Variants in DCTD observed in about 807,000 individuals in gnomAD.
The protein encoded by DCTD is dCMP deaminase, also known as deoxycytidylate deaminase.
DCTD carries 23 observed loss-of-function variants against 21.0 expected under a neutral mutation model. The observed-to-expected ratio is 1.09, with a 90% confidence interval of 0.79 to 1.55. The LOEUF is 1.55. Ranked by LOEUF, DCTD falls within the 40% of genes most tolerant of loss-of-function variation. The pLI is 0.00. For synonymous variants in DCTD, 71 were observed against 81.1 expected (o/e 0.88, Z 0.67); for missense variants, 224 against 230.0 (o/e 0.97, Z 0.17).
At chr4:182,910,022 A>G (rs1737393655) in intron 3 of DCTD, among the ~76,000 whole-genome samples, 1 of 152,120 alleles carries the variant, frequency 6.6e-6, no homozygotes, top group Non-Finnish European at 1.5e-5. Flanking sequence ...CCCTGTAGAC[A>G]TAGGAACTGA....
chr4:182,892,733 A>G (rs2854556), intron 5 of DCTD, among the ~76,000 whole-genome samples: 151,751 of 152,346 alleles, frequency 1, 75,580 homozygotes, highest in Middle Eastern at 1. Context: ...AAGGTTTGGC[A>G]TTCCTATTAT....
intron 3 of DCTD, among the ~76,000 whole-genome samples, chr4:182,906,271 G>A (rs1007264308): frequency 6.6e-6 from 1 of 151,948 alleles, no homozygotes; most frequent in African/African-American, 2.4e-5. Context: ...TTCGGGGTCT[G>A]GTCCCTATCT....
At chr4:182,916,302 C>T in intron 1 of DCTD, 1 of 845,426 alleles carries the variant, frequency 1.2e-6, no homozygotes, top group Non-Finnish European at 1.4e-6. Flanking sequence ...CAAGCAGAGA[C>T]TGTCTACGGC....
chr4:182,893,138 A>T lies in DCTD; in HGVS notation c.362-11T>A. ...TCACTTCTTTTATACCTGTAAGGTA[A>T]CAATGGGAGCTCCCTTAGTGTACGC... On this transcript the variant is annotated splice_polypyrimidine_tract_variant and intron_variant, in intron 4 of 5. Transcript: ENST00000438320. The T allele has an allele frequency of 6.6e-7, 1 of 1,518,220 alleles. No homozygotes were observed. Among genetic ancestry groups the T allele is most frequent in the Non-Finnish European group, 9.1e-7 (1 of 1,095,350 alleles). 94.0% of individuals were successfully genotyped at this position (1,518,220 alleles called of 1,614,324 possible). A position where few individuals can be genotyped will look rare whatever the true frequency, so the allele number is the denominator to read the frequency against.
rs780075881 is a variant in DCTD at position 182,891,466 on chromosome 4, G to A, written c.470C>T (p.Pro157Leu). 20 of 1,608,938 alleles carry A rather than the reference G, an allele frequency of 1.2e-5. No homozygotes were observed. The highest frequency in any genetic ancestry group is 4.5e-5 in the East Asian group (2 of 44,850). The change falls in exon 6 of 6, where the codon CCG (proline) becomes CTG (leucine). Residue 157 changes from proline to leucine, a missense_variant. Coordinates refer to ENST00000438320, the MANE Select transcript of DCTD (RefSeq NM_001921.3). ...GTCAATGACAATCTTGCTGCACTTC[G>A]GTATGAATTTCCTAAAAATAAAAAC... ...MAGVTFRKFIPKCSKIVIDFD... is the reference protein window; with the variant it reads ...MAGVTFRKFILKCSKIVIDFD...
intron 3 of DCTD, among the ~76,000 whole-genome samples, chr4:182,911,921 C>T (rs577454885): frequency 2.0e-5 from 3 of 152,238 alleles, no homozygotes; most frequent in East Asian, 3.9e-4. Flanking sequence ...GGAAGTTTTT[C>T]AGCATTTAAA....
intron 1 of DCTD, chr4:182,916,519 T>C: frequency 3.0e-6 from 3 of 985,842 alleles, no homozygotes; most frequent in Non-Finnish European, 3.6e-6. Context: ...AGGCATCTGC[T>C]ACAGTGCAGG....
chr4:182,902,193 A>C (rs1184830995), intron 3 of DCTD, among the ~76,000 whole-genome samples: 1 of 152,218 alleles, frequency 6.6e-6, no homozygotes, highest in Non-Finnish European at 1.5e-5. Context: ...TAGCCGCGAC[A>C]GTTAAGCCCC....
rs144141847 is a variant in DCTD at position 182,911,839 on chromosome 4, C to A, written c.244+3084G>T. On this transcript the variant is annotated intron_variant, in intron 3 of 5. Coordinates refer to ENST00000438320, the MANE Select transcript of DCTD (RefSeq NM_001921.3). Reference sequence around the variant, plus strand: ...AGATTAACAAAAAATGTTACTGATACGAAGTAGTTTTTGTCATTGTGGAGT... The same window carrying A: ...AGATTAACAAAAAATGTTACTGATAAGAAGTAGTTTTTGTCATTGTGGAGT... Among the ~76,000 whole-genome samples the A allele has an allele frequency of 1.2e-3, 185 of 152,200 alleles. 1 individual carries two copies. Among genetic ancestry groups the A allele is most frequent in the African/African-American group, 4.3e-3 (177 of 41,530 alleles).
chr4:182,907,363 C>A (rs985269806), intron 3 of DCTD, among the ~76,000 whole-genome samples: 1 of 152,186 alleles, frequency 6.6e-6, no homozygotes, highest in African/African-American at 2.4e-5. Context: ...GTCTTGAACT[C>A]TTGAACTCGA....
chr4:182,916,750 TG>T lies in DCTD; in HGVS notation c.-8+560del, dbSNP rs541327903. 41 of 1,101,772 alleles carry T rather than the reference TG, an allele frequency of 3.7e-5. 1 individual carries two copies. In the East Asian group the frequency reaches 3.0e-3, roughly 82 times the overall value. 68.2% of individuals were successfully genotyped at this position (1,101,772 alleles called of 1,614,324 possible). A position where few individuals can be genotyped will look rare whatever the true frequency, so the allele number is the denominator to read the frequency against. Reference sequence around the variant, plus strand: ...ACTAAATAGGAGGGAGGGGGAGCCATGGGGGGCGAGGGAAGAGCAGGAGAGG... The same window carrying T: ...ACTAAATAGGAGGGAGGGGGAGCCATGGGGGCGAGGGAAGAGCAGGAGAGG... On this transcript the variant is annotated intron_variant, in intron 1 of 5. Transcript: ENST00000438320.
rs1418203557 is a variant in DCTD at position 182,917,003 on chromosome 4, C to T, written c.-8+308G>A. ...CCGGCATTCCCAACCCACACACGGG[C>T]GCAGGAAGGGATGTGGTGTTCAGAC... On this transcript the variant is annotated intron_variant, in intron 1 of 5. Transcript: ENST00000438320. This position sits in a 1 kb window ranked among gnomAD's most constrained non-coding sequence, Gnocchi z 4.9. The T allele has an allele frequency of 6.1e-6, 6 of 989,882 alleles. No homozygotes were observed. The highest frequency in any genetic ancestry group is 7.2e-6 in the Non-Finnish European group (6 of 832,480). The allele number at this position is 989,882 out of a possible 1,614,324, so 61.3% of individuals were successfully genotyped here. A position where few individuals can be genotyped will look rare whatever the true frequency, so the allele number is the denominator to read the frequency against.
At chr4:182,897,422 G>A (rs528530755) in intron 3 of DCTD, among the ~76,000 whole-genome samples, 85 of 150,558 alleles carry the variant, frequency 5.6e-4, no homozygotes, top group African/African-American at 2.0e-3. Context: ...TTGAATTTAA[G>A]AGGACTTTCA....
intron 4 of DCTD, 115 bp downstream of exon 4, chr4:182,894,374 A>T: frequency 1.5e-6 from 1 of 649,030 alleles, no homozygotes; most frequent in Admixed American, 2.7e-5. Context: ...CAAAGCTGAT[A>T]GTGCAATTAA....
chr4:182,916,638 G>A lies in DCTD; in HGVS notation c.-8+673C>T, dbSNP rs181393119. 2,779 of 1,002,408 alleles carry A rather than the reference G, an allele frequency of 2.8e-3. 8 individuals are homozygous for A. Among genetic ancestry groups the A allele is most frequent in the Non-Finnish European group, 3.1e-3 (2,572 of 837,782 alleles). 62.1% of individuals were successfully genotyped at this position (1,002,408 alleles called of 1,614,324 possible). The stretch of plus-strand genomic sequence containing the variant: ...AGAGGCCTGGCAACCCCCCTAACAG[G>A]AAAAGACAGGTGCTGAATCAGCCTG... On this transcript the variant is annotated intron_variant, in intron 1 of 5. Transcript: ENST00000438320.
chr4:182,908,403 C>G (rs546827828), intron 3 of DCTD, among the ~76,000 whole-genome samples: 2 of 152,028 alleles, frequency 1.3e-5, no homozygotes, highest in Non-Finnish European at 2.9e-5. Context: ...AAGAAGTGGC[C>G]GGGCACAGTG....
intron 3 of DCTD, among the ~76,000 whole-genome samples, chr4:182,903,287 A>T (rs116668023): frequency 0.033 from 4,997 of 152,156 alleles, 272 homozygotes; most frequent in African/African-American, 0.11. Flanking sequence ...CTCCCCGATC[A>T]CGCTGCACCC....
intron 4 of DCTD, among the ~76,000 whole-genome samples, chr4:182,893,727 C>T (rs956155528): frequency 1.3e-5 from 2 of 152,100 alleles, no homozygotes; most frequent in African/African-American, 4.8e-5. Flanking sequence ...CCTGCCACCG[C>T]CTCCACACCT....
intron 3 of DCTD, among the ~76,000 whole-genome samples, chr4:182,905,975 C>T (rs1736640433): frequency 6.6e-6 from 1 of 152,110 alleles, no homozygotes; most frequent in Non-Finnish European, 1.5e-5. Context: ...CTTTATCACG[C>T]CATCTTCCTG....
Sources: gnomAD v4.1 joint callset for allele counts (sites outside exome capture counted in the v4.1 genomes callset) on GRCh38, gnomAD v4.1.1 for gene constraint, Gnocchi (gnomAD v3.1) non-coding constraint, MANE v1.5 for transcripts, NCBI Gene and HGNC (gene_info 2026-07-23, HGNC 2026-07-21) for gene names.